NOS1: variants seen among roughly 807,000 people sequenced by gnomAD.
NOS1 encodes nitric oxide synthase 1.
A neutral mutation model predicts 164.5 loss-of-function variants in NOS1; 51 were observed. The observed-to-expected ratio is 0.31, with a 90% CI of 0.25 to 0.39. The LOEUF is 0.39. Among genes scored for constraint, NOS1 ranks in the 10% least tolerant of loss-of-function variants. The probability of loss-of-function intolerance (pLI) is 1.00; values close to 1 mark genes in which losing one functional copy is unlikely to be tolerated. For synonymous variants in NOS1, 719 were observed against 745.8 expected, an observed-to-expected ratio of 0.96 and a Z score of 0.59; for missense variants, 1,362 against 1,885.6, an observed-to-expected ratio of 0.72 and a Z score of 5.14.
chr12:117,241,778 G>A (rs1435534318), intron 20 of NOS1, among the ~76,000 whole-genome samples: 2 of 152,180 alleles, frequency 1.3e-5, no homozygotes, highest in South Asian at 2.1e-4. Flanking sequence ...CCGCGCCTGC[G>A]ATCTCAGGCA....
At chr12:117,350,420 T>C (rs1009344471) in intron 1 of NOS1, among the ~76,000 whole-genome samples, 1 of 152,214 alleles carries the variant, frequency 6.6e-6, no homozygotes, top group Non-Finnish European at 1.5e-5. Context: ...CTGGGTGCTT[T>C]ATTTAGGACT....
At chr12:117,262,610 T>C (rs1245382507) in intron 13 of NOS1, among the ~76,000 whole-genome samples, 1 of 152,094 alleles carries the variant, frequency 6.6e-6, no homozygotes, top group Non-Finnish European at 1.5e-5. Context: ...CAGTGTCTTG[T>C]CTCTGGGGCC....
chr12:117,277,115 G>T (rs1873250161), intron 9 of NOS1, among the ~76,000 whole-genome samples: 1 of 152,074 alleles, frequency 6.6e-6, no homozygotes, highest in African/African-American at 2.4e-5. Flanking sequence ...GTGTACAAGG[G>T]TTCCCTTTTC....
intron 14 of NOS1, among the ~76,000 whole-genome samples, chr12:117,259,444 T>C (rs1294398062): frequency 1.3e-5 from 2 of 152,176 alleles, no homozygotes; most frequent in African/African-American, 2.4e-5. Context: ...CACAGCTTGA[T>C]GGAATCCCAT....
At position 117,331,336 on chromosome 12, in the gene NOS1, G is replaced by A; in HGVS notation, c.-267C>T. On this transcript the variant is annotated 5_prime_UTR_variant, in exon 2 of 29. Transcript: ENST00000317775. ...ATGGTTGACCAGGCAGACGTCAAGA[G>A]AGGCGGTGGGACGTGTCCCTAAGGT... is the stretch of plus-strand genomic sequence containing the variant. 4.2e-6 allele frequency: 2 copies of A among 480,290 alleles called. No individual in the cohort carries two copies. Among genetic ancestry groups the A allele is most frequent in the South Asian group, 2.9e-5 (1 of 34,420 alleles). 29.8% of individuals were successfully genotyped at this position (480,290 alleles called of 1,614,324 possible). A position where few individuals can be genotyped will look rare whatever the true frequency, so the allele number is the denominator to read the frequency against.
chr12:117,359,311 C>T (rs555630934), intron 1 of NOS1, among the ~76,000 whole-genome samples: 3 of 152,358 alleles, frequency 2.0e-5, no homozygotes, highest in East Asian at 1.9e-4. Flanking sequence ...GCGACCCCTG[C>T]GCACTTGGGG....
Position 117,258,400 on chromosome 12 carries a change from C to T in NOS1, c.2528G>A (p.Arg843Lys). Residue 843 changes from arginine (R) to lysine (K), a missense_variant, in exon 16 of 29, where the codon AGG becomes AAG. By Grantham distance (26) the Arg-to-Lys change is conservative. This residue lies in a region of NOS1 where 737 missense variants were observed against 1,030.3 expected (regional missense o/e 0.72). Transcript: ENST00000317775. ...MRHPNSVQEE[R>K]KSYKVRFNSV... ...GTCGGAGGGGTCATTCACTTACTTC[C>T]TTTCTTCCTGCACAGAGTTGGGGTG... 2 of 1,614,162 alleles carry T rather than the reference C, an allele frequency of 1.2e-6. No individual in the cohort carries two copies. Among genetic ancestry groups the T allele is most frequent in the Admixed American group, 3.3e-5 (2 of 60,010 alleles).
chr12:117,245,001 C>T (rs1197643282), intron 18 of NOS1, among the ~76,000 whole-genome samples: 1 of 152,096 alleles, frequency 6.6e-6, no homozygotes, highest in Non-Finnish European at 1.5e-5. Context: ...AATCAAGCAA[C>T]AGAATTATCT....
intron 2 of NOS1, among the ~76,000 whole-genome samples, chr12:117,326,084 T>C (rs1034055445): frequency 1.3e-5 from 2 of 152,054 alleles, no homozygotes; most frequent in African/African-American, 2.4e-5. Context: ...TAAAAATATG[T>C]GTTAAGAAAT....
At chr12:117,307,126 A>T (rs1593010215) in intron 3 of NOS1, among the ~76,000 whole-genome samples, 1 of 152,274 alleles carries the variant, frequency 6.6e-6, no homozygotes, top group South Asian at 2.1e-4. Context: ...AGATTTCTGC[A>T]TTGACTTTTA....
At chr12:117,263,686 A>G (rs1246827285) in intron 13 of NOS1, among the ~76,000 whole-genome samples, 1 of 151,686 alleles carries the variant, frequency 6.6e-6, no homozygotes, top group East Asian at 1.9e-4. Flanking sequence ...CAGTGTGAGG[A>G]AAGTGAGGCT....
chr12:117,342,819 T>G (rs758289512), intron 1 of NOS1, among the ~76,000 whole-genome samples: 1 of 151,826 alleles, frequency 6.6e-6, no homozygotes, highest in African/African-American at 2.4e-5. Context: ...AGGCCAGAGA[T>G]GAGCAATGAT....
chr12:117,259,202 G>C, intron 14 of NOS1, 72 bp from the exon 15 acceptor site: 1 of 978,846 alleles, frequency 1.0e-6, no homozygotes, highest in Non-Finnish European at 1.6e-6. Flanking sequence ...AGGTGGGAGA[G>C]ACAAAAAGTG....
intron 5 of NOS1, among the ~76,000 whole-genome samples, chr12:117,287,756 T>C (rs537354683): frequency 6.6e-6 from 1 of 152,356 alleles, no homozygotes; most frequent in Admixed American, 6.5e-5. Context: ...AGTTCTTTAA[T>C]TTAATTTTTT....
rs1255524567 is a variant in NOS1, at chr12:117,218,144, C to T, written c.4191G>A (p.Glu1397=). The T allele has an allele frequency of 1.9e-6, 3 of 1,613,908 alleles. No homozygotes were observed. The highest frequency in any genetic ancestry group is 1.7e-6 in the Non-Finnish European group (2 of 1,179,822). Residue 1397 remains glutamate, a synonymous_variant, in exon 28 of 29, where the codon GAG becomes GAA. Coordinates refer to ENST00000317775, the MANE Select transcript of NOS1 (RefSeq NM_000620.5). The part of the protein sequence containing the change: ...SRMRDDNRYH[E]DIFGVTLRTY... ...TTCGCAGGGTGACTCCAAAAATATCCTCATGGTATCGGTTGTCATCCTAGA... is the reference window on the plus strand; with the variant it reads ...TTCGCAGGGTGACTCCAAAAATATCTTCATGGTATCGGTTGTCATCCTAGA...
intron 2 of NOS1, among the ~76,000 whole-genome samples, chr12:117,324,572 A>G (rs1875148473): frequency 6.6e-6 from 1 of 152,168 alleles, no homozygotes; most frequent in Admixed American, 6.5e-5. Context: ...TCTACAAAAA[A>G]TATAAAACAA....
rs1007267314 is a variant in NOS1 at position 117,212,348 on chromosome 12, C to T, written c.*2961G>A. On this transcript the variant is annotated 3_prime_UTR_variant, in exon 29 of 29. Transcript: ENST00000317775. Reference sequence around the variant, plus strand: ...CAGGGGCAGAATTAGGATTTGCACTCAGGTCGGCTCCCAAAATTCCATATT... The same window carrying T: ...CAGGGGCAGAATTAGGATTTGCACTTAGGTCGGCTCCCAAAATTCCATATT... 1.0e-6 allele frequency: 1 copy of T among 985,394 alleles called. No individual in the cohort carries two copies. Among genetic ancestry groups the T allele is most frequent in the African/African-American group, 1.7e-5 (1 of 57,356 alleles). 61.0% of individuals were successfully genotyped at this position (985,394 alleles called of 1,614,324 possible). A position where few individuals can be genotyped will look rare whatever the true frequency, so the allele number is the denominator to read the frequency against.
rs765988574 is a variant in NOS1 at position 117,290,247 on chromosome 12, G to T, written c.981+51C>A. 1.4e-5 allele frequency: 22 copies of T among 1,602,314 alleles called. No individual in the cohort carries two copies. The African/African-American group carries it at 2.7e-4, about 20-fold the overall frequency. ...AAAGACTTATCCGACTCCAAATGTG[G>T]ATAGTGATGAAGCTGCCACCCTCTC... On this transcript the variant is annotated intron_variant, in intron 4 of 28. Transcript: ENST00000317775.
At chr12:117,306,308 G>T (rs1482442399) in intron 3 of NOS1, among the ~76,000 whole-genome samples, 2 of 152,062 alleles carry the variant, frequency 1.3e-5, no homozygotes, top group Non-Finnish European at 1.5e-5. Context: ...CCAAGCAAAC[G>T]GAATTTCTAT....
Sources: allele counts gnomAD v4.1 joint callset (sites outside exome capture counted in the v4.1 genomes callset), GRCh38; gene constraint gnomAD v4.1.1; regional missense constraint gnomAD v4.1.1; transcripts MANE v1.5; gene names NCBI Gene and HGNC (gene_info 2026-07-23, HGNC 2026-07-21).